KDM4C: variants seen among roughly 807,000 people sequenced by gnomAD.
KDM4C encodes lysine demethylase 4C, also known as lysine-specific demethylase 4C.
KDM4C carries 81 observed loss-of-function variants against 129.3 expected under a neutral mutation model. The ratio of observed to expected loss-of-function variants is 0.63; its 90% CI spans 0.52 to 0.75. The LOEUF (loss-of-function observed/expected upper bound fraction) is 0.75. KDM4C is among the 30% of genes least tolerant of loss of function. KDM4C has a pLI of 0.00. For missense variants in KDM4C, 1,457 were observed against 1,304.0 expected (o/e 1.12, Z -1.81); for synonymous variants, 573 against 456.1 (o/e 1.26, Z -3.26).
In KDM4C at chr9:6,882,805, T is replaced by TGTGTGTGC. The variant is rs66830716; in HGVS notation, c.679+2745_679+2746insTGTGTGCG. Among the ~76,000 whole-genome samples the TGTGTGTGC allele has an allele frequency of 3.1e-4, 47 of 149,262 alleles. No homozygotes were observed. The Middle Eastern group carries it at 0.017, about 55-fold the overall frequency. On this transcript the variant is annotated intron_variant, in intron 6 of 21. Transcript: ENST00000381309. ...GTGTGTGTGTGTGTGTGTGTGTGTG[T>TGTGTGTGC]GCGCGTGTGCACGTGCACGCACATT...
rs201393500 is a variant in KDM4C at position 7,103,750 on chromosome 9, T to C, written c.2490T>C (p.Gly830=). The C allele has an allele frequency of 4.4e-4, 704 of 1,613,902 alleles. No homozygotes were observed. Among genetic ancestry groups the C allele is most frequent in the Non-Finnish European group, 5.7e-4 (669 of 1,179,964 alleles). Residue 830 remains glycine (G), a synonymous_variant, in exon 18 of 22, where the codon GGT becomes GGC. Transcript: ENST00000381309. ...GAGCCTGCATCCAGTGTTCCTACGG[T>C]CGCTGCCCGGCCTCCTTCCATGTCA... ...VSGACIQCSY[G]RCPASFHVTC...
At chr9:6,808,362 T>C (rs1830516820) in intron 3 of KDM4C, among the ~76,000 whole-genome samples, 2 of 74,958 alleles carry the variant, frequency 2.7e-5, no homozygotes, top group South Asian at 1.0e-3. Flanking sequence ...AAAATTCCTC[T>C]GCCTTGGGAT....
chr9:7,084,019 G>C (rs181480926), intron 17 of KDM4C, among the ~76,000 whole-genome samples: 34 of 152,262 alleles, frequency 2.2e-4, no homozygotes, highest in Admixed American at 1.8e-3. Context: ...GTAATCAAAT[G>C]CTGAGGGCAG....
chr9:6,792,997 G>C lies in KDM4C; in HGVS notation c.9G>C (p.Val3=). The change falls in exon 2 of 22, where the codon GTG becomes GTC. Residue 3 remains valine (V), a synonymous_variant. Coordinates refer to ENST00000381309, the MANE Select transcript of KDM4C (RefSeq NM_015061.6). ME[V]AEVESPLNPS... ...ACACTGCCCTAACCATCATGGAGGT[G>C]GCCGAGGTGGAAAGTCCTCTGAACC... 6.2e-7 allele frequency: 1 copy of C among 1,614,164 alleles called. No individual in the cohort carries two copies. Among genetic ancestry groups the C allele is most frequent in the Non-Finnish European group, 8.5e-7 (1 of 1,180,038 alleles).
chr9:6,973,047 C>G (rs1832278245), intron 8 of KDM4C, among the ~76,000 whole-genome samples: 1 of 152,096 alleles, frequency 6.6e-6, no homozygotes, highest in Admixed American at 6.5e-5. Flanking sequence ...GCAGGGATTG[C>G]TAGGTAAAGT....
chr9:6,898,781 G>C (rs958736261), intron 8 of KDM4C, among the ~76,000 whole-genome samples: 12 of 152,198 alleles, frequency 7.9e-5, no homozygotes, highest in African/African-American at 2.4e-4. Context: ...TCTTAAATCT[G>C]GTAGCATCCT....
intron 19 of KDM4C, among the ~76,000 whole-genome samples, chr9:7,147,024 C>T (rs942416430): frequency 1.3e-5 from 2 of 152,328 alleles, no homozygotes; most frequent in East Asian, 1.9e-4. Context: ...GTGATTCACT[C>T]AATATTCACT....
chr9:7,151,136 C>A (rs1842689739), intron 19 of KDM4C, among the ~76,000 whole-genome samples: 1 of 151,872 alleles, frequency 6.6e-6, no homozygotes, highest in Non-Finnish European at 1.5e-5. Context: ...CATAGTGAGA[C>A]CTTGTCTCTA....
chr9:7,000,935 T>G (rs529621072), intron 12 of KDM4C, among the ~76,000 whole-genome samples: 1 of 152,374 alleles, frequency 6.6e-6, no homozygotes, highest in East Asian at 1.9e-4. Flanking sequence ...GTCTTCATAT[T>G]CTTTGTTTTG....
intron 18 of KDM4C, among the ~76,000 whole-genome samples, chr9:7,108,321 C>T (rs1206977524): frequency 6.6e-6 from 1 of 152,188 alleles, no homozygotes; most frequent in Non-Finnish European, 1.5e-5. Flanking sequence ...ACTGCAACCT[C>T]TGCTTCCTGG....
chr9:7,058,107 AATCT>A (rs1785606871), intron 17 of KDM4C, among the ~76,000 whole-genome samples: 1 of 152,146 alleles, frequency 6.6e-6, no homozygotes, highest in Non-Finnish European at 1.5e-5. Context: ...TGAATTCGAC[AATCT>A]CTCAGAAGGC....
chr9:6,759,326 C>T (rs1818923388), intron 1 of KDM4C, among the ~76,000 whole-genome samples: 1 of 152,100 alleles, frequency 6.6e-6, no homozygotes, highest in Non-Finnish European at 1.5e-5. Context: ...TCTATGGCAA[C>T]GGTGACTAAT....
chr9:6,732,096 G>A (rs1408306035), intron 1 of KDM4C, among the ~76,000 whole-genome samples: 2 of 151,970 alleles, frequency 1.3e-5, no homozygotes, highest in Admixed American at 6.6e-5. Context: ...GGCTGGGTGT[G>A]GTGGCTCACA....
chr9:6,854,678 T>C (rs564600854), intron 5 of KDM4C, among the ~76,000 whole-genome samples: 4 of 152,166 alleles, frequency 2.6e-5, no homozygotes, highest in African/African-American at 9.6e-5. Flanking sequence ...AAATTAAGAA[T>C]GGGTTGTAGC....
At chr9:7,033,326 C>G (rs562871769) in intron 15 of KDM4C, among the ~76,000 whole-genome samples, 29 of 152,254 alleles carry the variant, frequency 1.9e-4, no homozygotes, top group African/African-American at 6.3e-4. Flanking sequence ...CTTTTGCTAT[C>G]TTATTCTTCC....
intron 18 of KDM4C, 123 bp downstream of exon 18, chr9:7,103,993 C>A (rs954529832): frequency 1.5e-5 from 13 of 878,494 alleles, no homozygotes; most frequent in Non-Finnish European, 2.1e-5. Context: ...ATGTCTAGAC[C>A]GTGAGTTCCT....
At chr9:7,012,299 G>C (rs1246192391) in intron 13 of KDM4C, among the ~76,000 whole-genome samples, 3 of 151,976 alleles carry the variant, frequency 2.0e-5, no homozygotes, top group Admixed American at 6.6e-5. Flanking sequence ...GGCTAGTCTT[G>C]AGCTCCTGGC....
chr9:6,807,803 AG>A lies in KDM4C; in HGVS notation c.320+2030del, dbSNP rs1176634367. 3.8e-5 allele frequency among the ~76,000 whole-genome samples: 5 copies of A among 129,902 alleles called. No homozygotes were observed. The Admixed American group carries it at 3.9e-4, about 10-fold the overall frequency. 85.2% of individuals were successfully genotyped at this position (129,902 alleles called of 152,430 possible). A position where few individuals can be genotyped will look rare whatever the true frequency, so the allele number is the denominator to read the frequency against. On this transcript the variant is annotated intron_variant, in intron 3 of 21. Coordinates refer to ENST00000381309, the MANE Select transcript of KDM4C (RefSeq NM_015061.6). ...CTGGGAGGGAGGTGGGGGGGGGGTCAGCCCCCCGCCCGGCCAGCCGCCCCAT... is the reference window on the plus strand; with the variant it reads ...CTGGGAGGGAGGTGGGGGGGGGGTCACCCCCCGCCCGGCCAGCCGCCCCAT...
At chr9:6,784,454 ACTC>A (rs1215561299) in intron 1 of KDM4C, among the ~76,000 whole-genome samples, 1 of 152,020 alleles carries the variant, frequency 6.6e-6, no homozygotes, top group Non-Finnish European at 1.5e-5. Flanking sequence ...CTCGTTGTGA[ACTC>A]CTGACCTCCA....
Sources: gnomAD v4.1 joint callset for allele counts (sites outside exome capture counted in the v4.1 genomes callset) on GRCh38, gnomAD v4.1.1 for gene constraint, MANE v1.5 for transcripts, NCBI Gene and HGNC (gene_info 2026-07-23, HGNC 2026-07-21) for gene names.